The following PCDHA4 variants were observed in gnomAD, a reference collection of about 807,000 sequenced individuals.
PCDHA4 encodes protocadherin alpha-4.
A neutral mutation model predicts 61.4 loss-of-function variants in PCDHA4; 49 were observed. The ratio of observed to expected loss-of-function variants is 0.80; its 90% CI spans 0.63 to 1.01. The LOEUF (loss-of-function observed/expected upper bound fraction) is 1.01. PCDHA4 is among the 50% of genes least tolerant of loss of function. The pLI is 0.00. For synonymous variants in PCDHA4, 590 were observed against 550.3 expected (o/e 1.07, Z -1.01); for missense variants, 1,254 against 1,235.8 (o/e 1.01, Z -0.22).
intron 1 of PCDHA4, chr5:140,843,831 T>C: frequency 8.9e-7 from 1 of 1,120,120 alleles, no homozygotes; most frequent in Non-Finnish European, 1.3e-6. Context: ...TAAACATTGT[T>C]TAGTTTTTAG....
rs148144382 is a variant in PCDHA4 at position 140,914,978 on chromosome 5, G to C, written c.2386-63971G>C. On this transcript the variant is annotated intron_variant, in intron 1 of 3. Coordinates refer to ENST00000530339, the MANE Select transcript of PCDHA4 (RefSeq NM_018907.4). ...TTTTTTTTTTCTGAGTCAGAGTCTT[G>C]CTCTGCTACCAGGCTGGAGTGCAGT... Among the ~76,000 whole-genome samples the C allele has an allele frequency of 8.9e-3, 1,161 of 130,768 alleles. 6 individuals are homozygous for C. Among genetic ancestry groups the C allele is most frequent in the African/African-American group, 0.022 (758 of 34,950 alleles). 85.8% of individuals were successfully genotyped at this position (130,768 alleles called of 152,430 possible).
chr5:140,969,005 G>A (rs149076230), intron 1 of PCDHA4: 1 of 1,614,168 alleles, frequency 6.2e-7, no homozygotes, highest in Non-Finnish European at 8.5e-7. Flanking sequence ...AGGCTTCTGT[G>A]GAGTAAGGGA....
Position 140,843,320 on chromosome 5 carries a change from G to T in PCDHA4, c.2385+33748G>T, listed in dbSNP as rs2150357378. ...GCTGACCGCCACGGCCACGGTTCTGGTGTCGCTGGTGGAGAGCGGCCAGGC... is the reference window on the plus strand; with the variant it reads ...GCTGACCGCCACGGCCACGGTTCTGTTGTCGCTGGTGGAGAGCGGCCAGGC... On this transcript the variant is annotated intron_variant, in intron 1 of 3. Coordinates refer to ENST00000530339, the MANE Select transcript of PCDHA4 (RefSeq NM_018907.4). 2.5e-6 allele frequency: 4 copies of T among 1,596,056 alleles called. No individual in the cohort carries two copies. The South Asian group carries it at 4.4e-5, about 18-fold the overall frequency.
At chr5:140,875,182 A>T in intron 1 of PCDHA4, 1 of 450,902 alleles carries the variant, frequency 2.2e-6, no homozygotes. Context: ...CATTAGAATT[A>T]AGAGTGACCC....
At chr5:140,975,017 G>A (rs1474947976) in intron 1 of PCDHA4, among the ~76,000 whole-genome samples, 1 of 152,154 alleles carries the variant, frequency 6.6e-6, no homozygotes, top group Non-Finnish European at 1.5e-5. Flanking sequence ...ACACAGCTGG[G>A]CTGTGTTGTC....
At chr5:140,839,689 T>C (rs1776365065) in intron 1 of PCDHA4, among the ~76,000 whole-genome samples, 1 of 152,086 alleles carries the variant, frequency 6.6e-6, no homozygotes, top group East Asian at 1.9e-4. Context: ...GAGATTTTTT[T>C]GGGTAAATAA....
intron 1 of PCDHA4, chr5:140,967,045 C>T: frequency 6.2e-7 from 1 of 1,612,250 alleles, no homozygotes. Flanking sequence ...TGGAGCTGGA[C>T]CTGACGAGTG....
chr5:140,807,783 C>A lies in PCDHA4; in HGVS notation c.596C>A (p.Ser199Tyr), dbSNP rs782393420. Residue 199 changes from serine to tyrosine, a missense_variant, in exon 1 of 4, where the codon TCT (serine) becomes TAT (tyrosine). Coordinates refer to ENST00000530339, the MANE Select transcript of PCDHA4 (RefSeq NM_018907.4). ...VKGLGLILRK[S>Y]LDREEAPEIF... is the part of the protein sequence containing the mutation. ...GGTCTTGGGCTTATATTACGGAAATCTTTAGACAGAGAAGAAGCTCCGGAG... is the reference window on the plus strand; with the variant it reads ...GGTCTTGGGCTTATATTACGGAAATATTTAGACAGAGAAGAAGCTCCGGAG... 2 of 1,614,144 alleles carry A rather than the reference C, an allele frequency of 1.2e-6. No homozygotes were observed. The highest frequency in any genetic ancestry group is 1.7e-6 in the Non-Finnish European group (2 of 1,180,038).
At chr5:140,823,057 G>T in intron 1 of PCDHA4, 18 of 1,614,174 alleles carry the variant, frequency 1.1e-5, no homozygotes, top group East Asian at 2.2e-5. Context: ...GACCGCGCGG[G>T]ACGGGGGCTC....
At chr5:140,882,684 G>A (rs781811851) in intron 1 of PCDHA4, 3 of 1,614,172 alleles carry the variant, frequency 1.9e-6, no homozygotes, top group South Asian at 1.1e-5. Context: ...AGCAAGAAAC[G>A]AATAATCATT....
intron 1 of PCDHA4, chr5:140,841,259 G>GA: frequency 6.6e-7 from 1 of 1,517,710 alleles, no homozygotes; most frequent in East Asian, 2.3e-5. Flanking sequence ...AAAAGACTCT[G>GA]AAAGTACAGT....
intron 3 of PCDHA4, among the ~76,000 whole-genome samples, chr5:140,988,382 T>C (rs2097295449): frequency 6.6e-6 from 1 of 152,148 alleles, no homozygotes; most frequent in African/African-American, 2.4e-5. Flanking sequence ...TGAAACTCAT[T>C]GTGTTTGCCA....
At chr5:140,842,722 C>T (rs1554139310) in intron 1 of PCDHA4, 2 of 1,595,034 alleles carry the variant, frequency 1.3e-6, no homozygotes, top group Non-Finnish European at 1.7e-6. Flanking sequence ...TGAAGGAGAA[C>T]AACCCGCCGG....
intron 1 of PCDHA4, chr5:140,875,324 C>T (rs2055413972): frequency 3.5e-6 from 5 of 1,426,162 alleles, no homozygotes; most frequent in East Asian, 5.0e-5. Context: ...CAATCATTCA[C>T]GGAATAGGAT....
chr5:140,869,786 T>C lies in PCDHA4; in HGVS notation c.2385+60214T>C, dbSNP rs1554163459. On this transcript the variant is annotated intron_variant, in intron 1 of 3. Transcript: ENST00000530339. ...CCAGAGCTTACTGGCACCGTTCGGC[T>C]GTTAGTCCAAGTCTTGGATGTCAAC... 1.9e-6 allele frequency: 3 copies of C among 1,612,992 alleles called. No homozygotes were observed. The East Asian group carries it at 6.7e-5, about 36-fold the overall frequency.
intron 3 of PCDHA4, among the ~76,000 whole-genome samples, chr5:140,991,403 C>A (rs1230118485): frequency 6.6e-6 from 1 of 152,116 alleles, no homozygotes; most frequent in African/African-American, 2.4e-5. Context: ...TATTTATTTC[C>A]CATTATGCTA....
At chr5:140,967,649 T>C in intron 1 of PCDHA4, 1 of 1,614,132 alleles carries the variant, frequency 6.2e-7, no homozygotes. Context: ...GCTCAGGTAC[T>C]CCTTGAGCAG....
At chr5:140,835,933 T>C (rs1774056119) in intron 1 of PCDHA4, 1 of 1,612,410 alleles carries the variant, frequency 6.2e-7, no homozygotes, top group Non-Finnish European at 8.5e-7. Context: ...AGCGGCAAGG[T>C]GTACGCGCTG....
Position 140,807,609 on chromosome 5 carries a change from C to G in PCDHA4, c.422C>G (p.Ser141Cys), listed in dbSNP as rs554905188. Reference sequence around the variant, plus strand: ...TTCCCAGCAACACAAAAGAACCTGTCCATCGCGGAATCCAGGCCGCTTGAC... The same window carrying G: ...TTCCCAGCAACACAAAAGAACCTGTGCATCGCGGAATCCAGGCCGCTTGAC... Reference protein sequence around the residue: ...PVFPATQKNLSIAESRPLDSR... With the variant: ...PVFPATQKNLCIAESRPLDSR... The change falls in exon 1 of 4, where the codon TCC becomes TGC. Residue 141 changes from serine (S) to cysteine (C), a missense_variant. Physicochemically the swap from Ser to Cys is moderately radical, Grantham distance 112. Transcript: ENST00000530339. The G allele has an allele frequency of 6.2e-7, 1 of 1,613,974 alleles. No individual in the cohort carries two copies. The highest frequency in any genetic ancestry group is 1.1e-5 in the South Asian group (1 of 91,074).
Sources: gnomAD v4.1 joint callset for allele counts (sites outside exome capture counted in the v4.1 genomes callset) on GRCh38, gnomAD v4.1.1 for gene constraint, MANE v1.5 for transcripts, NCBI Gene and HGNC (gene_info 2026-07-23, HGNC 2026-07-21) for gene names.